The following SAMTOR variants were observed in gnomAD, a reference collection of about 807,000 sequenced individuals.
SAMTOR encodes UPF0532 protein C7orf60.
chr7:112,854,985 T>A, the SAMTOR span, among the ~76,000 whole-genome samples: 1 of 152,224 alleles, frequency 6.6e-6, no homozygotes. Flanking sequence ...GCTATCATCA[T>A]GAATATCATT....
the SAMTOR span, among the ~76,000 whole-genome samples, chr7:112,874,221 T>C: frequency 6.6e-6 from 1 of 152,110 alleles, no homozygotes; most frequent in Admixed American, 6.5e-5. Context: ...AAATAAAAAA[T>C]ACCAAAAAGA....
At chr7:112,910,997 G>T in the SAMTOR span, among the ~76,000 whole-genome samples, 1 of 152,140 alleles carries the variant, frequency 6.6e-6, no homozygotes. Flanking sequence ...AATGAGAAGG[G>T]ATCACAGGCA....
chr7:112,902,554 T>TAC, the SAMTOR span, among the ~76,000 whole-genome samples: 2 of 150,794 alleles, frequency 1.3e-5, no homozygotes, highest in African/African-American at 2.4e-5. Flanking sequence ...TAATGGAGGA[T>TAC]ACATGTCATT....
chr7:112,833,522 T>TA, the SAMTOR span, among the ~76,000 whole-genome samples: 3 of 152,182 alleles, frequency 2.0e-5, no homozygotes, highest in African/African-American at 4.8e-5. Context: ...CCATGTTTTA[T>TA]AAAAAATTTG....
the SAMTOR span, among the ~76,000 whole-genome samples, chr7:112,868,896 T>C: frequency 2.6e-5 from 4 of 152,170 alleles, no homozygotes; most frequent in Admixed American, 2.0e-4. Context: ...AGGGACAGCT[T>C]TGTGACCTGG....
the SAMTOR span, among the ~76,000 whole-genome samples, chr7:112,851,076 G>T: frequency 1.2e-4 from 19 of 152,254 alleles, no homozygotes; most frequent in Non-Finnish European, 2.5e-4. Context: ...TGTAGATGAT[G>T]ACACAAACAA....
chr7:112,900,312 C>G, the SAMTOR span, among the ~76,000 whole-genome samples: 2 of 152,072 alleles, frequency 1.3e-5, no homozygotes, highest in Non-Finnish European at 2.9e-5. Context: ...GCTTGAGAAC[C>G]ATTTTATAAG....
chr7:112,865,741 T>TTTCATATATACATATA, the SAMTOR span, among the ~76,000 whole-genome samples: 19 of 137,982 alleles, frequency 1.4e-4, no homozygotes, highest in South Asian at 6.6e-4. Flanking sequence ...TTCATATATA[T>TTTCATATATACATATA]TTCATATATA....
chr7:112,845,781 C>T, the SAMTOR span, among the ~76,000 whole-genome samples: 2 of 152,144 alleles, frequency 1.3e-5, no homozygotes, highest in African/African-American at 4.8e-5. Flanking sequence ...GACACATGCA[C>T]ATGTATGTTC....
the SAMTOR span, among the ~76,000 whole-genome samples, chr7:112,883,639 G>A: frequency 6.6e-6 from 1 of 152,148 alleles, no homozygotes; most frequent in Non-Finnish European, 1.5e-5. Flanking sequence ...TGTGCATAAA[G>A]CATTCTTAGG....
chr7:112,923,477 A>AAAAT, the SAMTOR span, among the ~76,000 whole-genome samples: 223 of 152,236 alleles, frequency 1.5e-3, no homozygotes, highest in East Asian at 9.8e-3. Context: ...TGATCAATAA[A>AAAAT]AAATAAATAA....
the SAMTOR span, among the ~76,000 whole-genome samples, chr7:112,849,140 A>AT: frequency 1.3e-5 from 2 of 151,978 alleles, no homozygotes; most frequent in Admixed American, 1.3e-4. Flanking sequence ...TTTTAAAAGT[A>AT]TTTTAAAAAA....
At chr7:112,875,052 G>A in the SAMTOR span, among the ~76,000 whole-genome samples, 1,624 of 152,228 alleles carry the variant, frequency 0.011, 30 homozygotes, top group African/African-American at 0.037. Flanking sequence ...ATCCGATTGA[G>A]GTCTGGTATC....
chr7:112,823,384 T>G, the SAMTOR span, among the ~76,000 whole-genome samples: 1 of 152,168 alleles, frequency 6.6e-6, no homozygotes, highest in Non-Finnish European at 1.5e-5. Context: ...CTTATTCCCC[T>G]TTATAGTCCC....
chr7:112,932,415 C>A, the SAMTOR span, among the ~76,000 whole-genome samples: 1 of 152,066 alleles, frequency 6.6e-6, no homozygotes, highest in Non-Finnish European at 1.5e-5. Context: ...CTAATATACT[C>A]AATTTAAGAA....
At chr7:112,882,621 G>A in the SAMTOR span, among the ~76,000 whole-genome samples, 4 of 151,860 alleles carry the variant, frequency 2.6e-5, no homozygotes, top group Middle Eastern at 6.4e-3. Flanking sequence ...TCAGGGAGTC[G>A]GAGGTTGCAG....
chr7:112,919,438 C>A, the SAMTOR span, among the ~76,000 whole-genome samples: 1 of 151,746 alleles, frequency 6.6e-6, no homozygotes, highest in African/African-American at 2.4e-5. Flanking sequence ...CTCTGGGACA[C>A]ATTCAAAGCA....
At chr7:112,908,377 T>C in the SAMTOR span, among the ~76,000 whole-genome samples, 6 of 152,326 alleles carry the variant, frequency 3.9e-5, no homozygotes, top group African/African-American at 1.4e-4. Flanking sequence ...GAAGTGGGTC[T>C]AGAGGCTGCT....
chr7:112,893,914 A>C, the SAMTOR span, among the ~76,000 whole-genome samples: 22 of 152,368 alleles, frequency 1.4e-4, no homozygotes, highest in East Asian at 2.1e-3. Context: ...AAATAAAATA[A>C]AATACAATAA....
Sources: gnomAD v4.1 joint callset for allele counts (sites outside exome capture counted in the v4.1 genomes callset) on GRCh38, gnomAD v4.1.1 for gene constraint, MANE v1.5 for transcripts, NCBI Gene and HGNC (gene_info 2026-07-23, HGNC 2026-07-21) for gene names.